Variants in EHHADH observed in about 807,000 individuals in gnomAD.
EHHADH encodes peroxisomal bifunctional enzyme.
Under a neutral mutation model 64.4 loss-of-function variants are expected in EHHADH, and 48 were observed. That is an observed-to-expected ratio of 0.75 (90% CI 0.59 to 0.95). The LOEUF (loss-of-function observed/expected upper bound fraction) is 0.95. Among genes scored for constraint, EHHADH ranks in the 40% least tolerant of loss-of-function variants. EHHADH has a pLI of 0.00. For missense variants in EHHADH, 854 were observed against 876.6 expected, an observed-to-expected ratio of 0.97 and a Z score of 0.33; for synonymous variants, 308 against 326.7, an observed-to-expected ratio of 0.94 and a Z score of 0.62.
chr3:185,246,116 C>G lies in EHHADH; in HGVS notation c.178+2298G>C, dbSNP rs995059069. ...ATGTCAAGGTCATCCTCTGGTTCAGCTGGTTCTTGAACATCACTTTCAATC... is the reference window on the plus strand; with the variant it reads ...ATGTCAAGGTCATCCTCTGGTTCAGGTGGTTCTTGAACATCACTTTCAATC... On this transcript the variant is annotated intron_variant, in intron 2 of 6. Coordinates refer to ENST00000231887, the MANE Select transcript of EHHADH (RefSeq NM_001966.4). 6.4e-6 allele frequency: 8 copies of G among 1,249,360 alleles called. No homozygotes were observed. The African/African-American group carries it at 8.8e-5, about 14-fold the overall frequency. 77.4% of individuals were successfully genotyped at this position (1,249,360 alleles called of 1,614,324 possible).
chr3:185,243,831 G>C (rs1719520209), intron 2 of EHHADH, among the ~76,000 whole-genome samples: 1 of 152,182 alleles, frequency 6.6e-6, no homozygotes, highest in Non-Finnish European at 1.5e-5. Context: ...TGCGGTTATT[G>C]CATAGAATGT....
At chr3:185,198,405 G>C (rs1198715970) in intron 6 of EHHADH, among the ~76,000 whole-genome samples, 1 of 151,084 alleles carries the variant, frequency 6.6e-6, no homozygotes, top group Non-Finnish European at 1.5e-5. Context: ...ATTTTTAGTA[G>C]AGACAGGGTT....
intron 1 of EHHADH, among the ~76,000 whole-genome samples, chr3:185,250,475 G>A (rs1285201492): frequency 2.9e-5 from 4 of 135,844 alleles, no homozygotes; most frequent in African/African-American, 1.0e-4. Flanking sequence ...AGAATCTAGG[G>A]CAAGTGGTGA....
intron 3 of EHHADH, among the ~76,000 whole-genome samples, chr3:185,230,135 A>G (rs1471566294): frequency 6.6e-6 from 1 of 152,204 alleles, no homozygotes; most frequent in Non-Finnish European, 1.5e-5. Context: ...CTTTATACCC[A>G]CTAAGATGGC....
At chr3:185,234,053 G>A (rs1719215894) in intron 3 of EHHADH, among the ~76,000 whole-genome samples, 1 of 152,090 alleles carries the variant, frequency 6.6e-6, no homozygotes, top group Non-Finnish European at 1.5e-5. Context: ...GGTTATTTCT[G>A]AACTGTGAGT....
At chr3:185,246,379 G>T in intron 2 of EHHADH, 1 of 650,276 alleles carries the variant, frequency 1.5e-6, no homozygotes, top group Non-Finnish European at 2.5e-6. Context: ...AACATAAAAG[G>T]CTTCTTCTTC....
intron 2 of EHHADH, among the ~76,000 whole-genome samples, chr3:185,242,205 A>C (rs951694834): frequency 5.9e-5 from 9 of 152,240 alleles, no homozygotes; most frequent in Non-Finnish European, 1.3e-4. Flanking sequence ...ATGCTCATGG[A>C]TGGGTAGAAT....
intron 2 of EHHADH, among the ~76,000 whole-genome samples, chr3:185,246,705 T>A (rs1719605955): frequency 6.6e-6 from 1 of 152,190 alleles, no homozygotes; most frequent in African/African-American, 2.4e-5. Flanking sequence ...AAAACTAACA[T>A]TGTTGTTCCT....
At position 185,235,469 on chromosome 3, in the gene EHHADH, G is replaced by T. The variant is rs760681057; in HGVS notation, c.179-7C>A. ...AAGCCACGAATATCAGCACCTAAGG[G>T]CACAAAGACAAGGAGAAAACAGAGT... is the stretch of plus-strand genomic sequence containing the variant. On this transcript the variant is annotated splice_region_variant and splice_polypyrimidine_tract_variant and intron_variant, in intron 2 of 6. Transcript: ENST00000231887. 1 of 1,597,304 alleles carries T rather than the reference G, an allele frequency of 6.3e-7. No homozygotes were observed. Among genetic ancestry groups the T allele is most frequent in the African/African-American group, 1.3e-5 (1 of 74,144 alleles).
Position 185,229,527 on chromosome 3 carries a change from G to C in EHHADH, c.368C>G (p.Pro123Arg). 1 of 1,569,242 alleles carries C rather than the reference G, an allele frequency of 6.4e-7. No homozygotes were observed. Among genetic ancestry groups the C allele is most frequent in the Non-Finnish European group, 8.7e-7 (1 of 1,154,152 alleles). ...IAHAEAQVGLPEVTLGLLPGA... is the reference protein window; with the variant it reads ...IAHAEAQVGLREVTLGLLPGA... ...AGGGAGAAGTCCCAGTGTAACTTCT[G>C]GTAAGCCAACTTGAGCCTATCAAAG... The change falls in exon 4 of 7, where the codon CCA becomes CGA. Residue 123 changes from proline (P) to arginine (R), a missense_variant. Physicochemically the swap from Pro to Arg is moderately radical, Grantham distance 103 (BLOSUM62 -2). Transcript: ENST00000231887.
In EHHADH at chr3:185,235,276, G is replaced by A. The variant is rs2108646905; in HGVS notation, c.351+14C>T. Reference sequence around the variant, plus strand: ...CCCCACACACCAGCCACTATATAGAGCCTTGGTTGTTACCTCTGCGTGGGC... The same window carrying A: ...CCCCACACACCAGCCACTATATAGAACCTTGGTTGTTACCTCTGCGTGGGC... On this transcript the variant is annotated intron_variant, in intron 3 of 6. Coordinates refer to ENST00000231887, the MANE Select transcript of EHHADH (RefSeq NM_001966.4). 1 of 1,604,198 alleles carries A rather than the reference G, an allele frequency of 6.2e-7. No individual in the cohort carries two copies. Among genetic ancestry groups the A allele is most frequent in the Non-Finnish European group, 8.5e-7 (1 of 1,175,740 alleles).
At chr3:185,252,645 T>A (rs945618504) in intron 1 of EHHADH, among the ~76,000 whole-genome samples, 1 of 152,198 alleles carries the variant, frequency 6.6e-6, no homozygotes, top group Non-Finnish European at 1.5e-5. Context: ...AGACATGTCA[T>A]CCTTATGTGA....
rs550233979 is a variant in EHHADH at position 185,213,119 on chromosome 3, C to CAAAAAAAAAAAAAAAAAAAA, written c.568+4997_568+5016dup. On this transcript the variant is annotated intron_variant, in intron 5 of 6. Coordinates refer to ENST00000231887, the MANE Select transcript of EHHADH (RefSeq NM_001966.4). ...TGGGTGAAGAAGCAAGACTCTGTCT[C>CAAAAAAAAAAAAAAAAAAAA]AAAAAAAAAAAAAAAAAAAAAAAAA... 4.6e-4 allele frequency among the ~76,000 whole-genome samples: 20 copies of CAAAAAAAAAAAAAAAAAAAA among 43,056 alleles called. 1 individual carries two copies. The highest frequency in any genetic ancestry group is 1.3e-3 in the East Asian group (1 of 784). 28.2% of individuals were successfully genotyped at this position (43,056 alleles called of 152,430 possible).
intron 4 of EHHADH, among the ~76,000 whole-genome samples, chr3:185,219,788 G>A (rs1475868485): frequency 2.0e-5 from 3 of 152,162 alleles, no homozygotes; most frequent in African/African-American, 2.4e-5. Context: ...GGATGCCATC[G>A]GAGACAAACC....
intron 4 of EHHADH, among the ~76,000 whole-genome samples, chr3:185,223,872 G>A (rs1718900452): frequency 6.6e-6 from 1 of 152,190 alleles, no homozygotes; most frequent in Non-Finnish European, 1.5e-5. Flanking sequence ...CTGTAGTCCT[G>A]TCAGTTGATT....
intron 3 of EHHADH, among the ~76,000 whole-genome samples, chr3:185,234,103 T>G (rs551507977): frequency 2.6e-4 from 39 of 152,318 alleles, no homozygotes; most frequent in African/African-American, 8.4e-4. Context: ...CTTTCTTATG[T>G]TCTCTAGTTT....
At chr3:185,222,338 G>A (rs879296091) in intron 4 of EHHADH, among the ~76,000 whole-genome samples, 2 of 152,036 alleles carry the variant, frequency 1.3e-5, no homozygotes, top group Non-Finnish European at 2.9e-5. Flanking sequence ...AGCCGAGATC[G>A]TGCCACTGCA....
intron 2 of EHHADH, chr3:185,246,471 T>A: frequency 2.5e-6 from 1 of 393,252 alleles, no homozygotes; most frequent in Non-Finnish European, 4.3e-6. Flanking sequence ...TCCGCATGGA[T>A]GGGAAGTCAG....
At position 185,228,257 on chromosome 3, in the gene EHHADH, A is replaced by AAAAATATATAT. The variant is rs1367786172; in HGVS notation, c.463+1174_463+1175insATATATATTTT. Among the ~76,000 whole-genome samples the AAAAATATATAT allele has an allele frequency of 3.2e-3, 70 of 21,976 alleles. 1 individual carries two copies. The highest frequency in any genetic ancestry group is 4.2e-3 in the African/African-American group (35 of 8,392). The allele number at this position is 21,976 out of a possible 152,430, so 14.4% of individuals were successfully genotyped here. ...TCAAAAAAAAAAAAAAAAAAAAAAAAATATATATATATATATATATATGGA... is the reference window on the plus strand; with the variant it reads ...TCAAAAAAAAAAAAAAAAAAAAAAAAAAAATATATATATATATATATATATATATATATGGA... On this transcript the variant is annotated intron_variant, in intron 4 of 6. Coordinates refer to ENST00000231887, the MANE Select transcript of EHHADH (RefSeq NM_001966.4).
Sources: allele counts gnomAD v4.1 joint callset (sites outside exome capture counted in the v4.1 genomes callset), GRCh38; gene constraint gnomAD v4.1.1; transcripts MANE v1.5; gene names NCBI Gene and HGNC (gene_info 2026-07-23, HGNC 2026-07-21).